The following TENT5D variants were observed in gnomAD, a reference collection of about 807,000 sequenced individuals.
TENT5D encodes cancer/testis antigen 112.
For synonymous variants in TENT5D, 103 were observed against 100.6 expected (o/e 1.02, Z -0.15); for missense variants, 191 against 287.0 (o/e 0.67, Z 2.42).
intron 3 of TENT5D, among the ~76,000 whole-genome samples, chrX:80,392,990 A>G: frequency 9.0e-6 from 1 of 111,628 alleles, no homozygotes; most frequent in South Asian, 3.7e-4. Context: ...AGGCTTTTAT[A>G]AAAAACTATT....
At chrX:80,367,098 T>C (rs895807601) in intron 3 of TENT5D, among the ~76,000 whole-genome samples, 1 of 111,718 alleles carries the variant, frequency 9.0e-6, no homozygotes, top group African/African-American at 3.2e-5. Context: ...CTAAAATCTA[T>C]CACACTTTTA....
intron 1 of TENT5D, among the ~76,000 whole-genome samples, chrX:80,432,173 C>CA (rs1485637518): frequency 3.6e-5 from 4 of 110,551 alleles, no homozygotes; most frequent in East Asian, 5.7e-4. Flanking sequence ...TTGCAAAAAA[C>CA]AAAAAAAGAA....
chrX:80,365,879 ATATACT>A (rs1930501129), intron 3 of TENT5D, among the ~76,000 whole-genome samples: 2 of 110,733 alleles, frequency 1.8e-5, no homozygotes, highest in Non-Finnish European at 3.8e-5. Context: ...AAATGAGATA[ATATACT>A]TAAAGTATTT....
chrX:80,343,259 A>G (rs903650708), intron 3 of TENT5D, among the ~76,000 whole-genome samples: 1 of 111,722 alleles, frequency 9.0e-6, no homozygotes, highest in Non-Finnish European at 1.9e-5. Context: ...GAACATTCAG[A>G]GTGGTGCAGT....
intron 3 of TENT5D, among the ~76,000 whole-genome samples, chrX:80,390,551 T>C (rs1030705716): frequency 1.8e-5 from 2 of 111,420 alleles, no homozygotes; most frequent in Admixed American, 9.6e-5. Context: ...AGGCTCAGTA[T>C]GTAGAGAAGG....
chrX:80,376,470 C>T (rs757117122), intron 3 of TENT5D, among the ~76,000 whole-genome samples: 1 of 111,399 alleles, frequency 9.0e-6, no homozygotes, highest in East Asian at 2.8e-4. Context: ...CCTAATTTCT[C>T]GTGTCTAGGC....
intron 2 of TENT5D, among the ~76,000 whole-genome samples, chrX:80,440,794 A>G (rs1254877543): frequency 9.0e-6 from 1 of 111,488 alleles, no homozygotes; most frequent in Non-Finnish European, 1.9e-5. Context: ...TGTGATATTT[A>G]AAAAATATTT....
chrX:80,430,143 A>T (rs993884343), intron 1 of TENT5D, among the ~76,000 whole-genome samples: 1 of 111,674 alleles, frequency 9.0e-6, no homozygotes, highest in Admixed American at 9.5e-5. Flanking sequence ...AGGAGTAAAA[A>T]AACATTTCCC....
intron 1 of TENT5D, among the ~76,000 whole-genome samples, chrX:80,421,403 G>A (rs1399235508): frequency 9.0e-6 from 1 of 111,061 alleles, no homozygotes; most frequent in Non-Finnish European, 1.9e-5. Flanking sequence ...TGGCCAGGAT[G>A]GTCTTGATCT....
intron 3 of TENT5D, among the ~76,000 whole-genome samples, chrX:80,368,363 G>C (rs1414788933): frequency 9.0e-6 from 1 of 111,285 alleles, no homozygotes; most frequent in Non-Finnish European, 1.9e-5. Context: ...GTCAATCATA[G>C]GAACCTTTTA....
At chrX:80,407,144 T>G (rs1931516916) in intron 3 of TENT5D, among the ~76,000 whole-genome samples, 1 of 107,266 alleles carries the variant, frequency 9.3e-6, no homozygotes, top group Admixed American at 1.0e-4. Flanking sequence ...CACTGCAAAA[T>G]CATGCCAAAA....
At chrX:80,423,728 CAGAACCTACTGG>C (rs1427635196) in intron 1 of TENT5D, among the ~76,000 whole-genome samples, 3 of 110,513 alleles carry the variant, frequency 2.7e-5, no homozygotes, top group Non-Finnish European at 5.7e-5. Context: ...AAGTGCCCAC[CAGAACCTACTGG>C]AGCACCCCAT....
At chrX:80,412,117 T>C (rs1211310972) in intron 3 of TENT5D, among the ~76,000 whole-genome samples, 1 of 112,852 alleles carries the variant, frequency 8.9e-6, no homozygotes, top group East Asian at 2.8e-4. Flanking sequence ...GCAGGCTCAA[T>C]GCCACATGGA....
intron 3 of TENT5D, among the ~76,000 whole-genome samples, chrX:80,385,318 G>A (rs1930970409): frequency 9.0e-6 from 1 of 111,125 alleles, no homozygotes; most frequent in African/African-American, 3.3e-5. Context: ...ACAAGAAATG[G>A]GGAAAGGATT....
intron 1 of TENT5D, among the ~76,000 whole-genome samples, chrX:80,428,160 G>T (rs976366384): frequency 7.1e-5 from 8 of 112,087 alleles, no homozygotes; most frequent in Non-Finnish European, 1.5e-4. Context: ...AGGTTTTCTA[G>T]TTTTCTCTGG....
At chrX:80,417,023 T>G (rs1931790723), upstream of TENT5D, among the ~76,000 whole-genome samples, 1 of 111,928 alleles carries the variant, frequency 8.9e-6, no homozygotes, top group African/African-American at 3.2e-5. Context: ...TTAGGTCTTT[T>G]TGTTGAATTG....
chrX:80,370,566 A>G (rs937130156), intron 3 of TENT5D, among the ~76,000 whole-genome samples: 2 of 112,281 alleles, frequency 1.8e-5, no homozygotes, highest in South Asian at 3.6e-4. Context: ...ATGTTTTTCA[A>G]TACTATTAAG....
intron 3 of TENT5D, among the ~76,000 whole-genome samples, chrX:80,345,940 CT>C (rs34126195): frequency 1.8e-5 from 2 of 111,850 alleles, no homozygotes; most frequent in African/African-American, 6.5e-5. Context: ...TCTTCCTTGC[CT>C]TTTTACGTCC....
chrX:80,411,053 A>G (rs780000959), intron 3 of TENT5D, among the ~76,000 whole-genome samples: 1 of 90,182 alleles, frequency 1.1e-5, no homozygotes, highest in African/African-American at 4.2e-5. Context: ...ATGAGAACAC[A>G]TGGACACAGG....
Sources: gnomAD v4.1 joint callset for allele counts (sites outside exome capture counted in the v4.1 genomes callset) on GRCh38, gnomAD v4.1.1 for gene constraint, MANE v1.5 for transcripts, NCBI Gene and HGNC (gene_info 2026-07-23, HGNC 2026-07-21) for gene names.